The following TMEM43 variants were observed in gnomAD, a reference collection of about 807,000 sequenced individuals.
TMEM43 encodes arrhythmogenic right ventricular dysplasia 5.
In TMEM43, 45 loss-of-function variants were observed where a neutral mutation model predicts 49.6. The observed-to-expected ratio is 0.91, with a 90% CI of 0.71 to 1.16. The LOEUF is 1.16. TMEM43 is among the 50% of genes most tolerant of loss of function. The probability of loss-of-function intolerance (pLI) is 0.00; values close to 1 mark genes in which losing one functional copy is unlikely to be tolerated. For missense variants in TMEM43, 532 were observed against 516.6 expected (o/e 1.03, Z -0.29); for synonymous variants, 199 against 207.8 (o/e 0.96, Z 0.36).
In TMEM43 at chr3:14,141,715, T is replaced by C. The variant is rs1695249790; in HGVS notation, c.1123T>C (p.Trp375Arg). 3 of 1,614,194 alleles carry C rather than the reference T, an allele frequency of 1.9e-6. No individual in the cohort carries two copies. Among genetic ancestry groups the C allele is most frequent in the Non-Finnish European group, 1.7e-6 (2 of 1,180,040 alleles). Residue 375 changes from tryptophan to arginine, a missense_variant, in exon 12 of 12, where the codon TGG becomes CGG. Trp to Arg is a moderately radical substitution (Grantham distance 101). Transcript: ENST00000306077. ...TGGCTGGCTCTTCTACCGACCCCTGTGGGCCCTCCTCATTGCCGGCCTGGC... is the reference window on the plus strand; with the variant it reads ...TGGCTGGCTCTTCTACCGACCCCTGCGGGCCCTCCTCATTGCCGGCCTGGC... Reference protein sequence around the residue: ...AAGWLFYRPLWALLIAGLALV... With the variant: ...AAGWLFYRPLRALLIAGLALV...
In TMEM43 at chr3:14,125,372, C is replaced by T. The variant is rs2733580; in HGVS notation, c.12+167C>T. On this transcript the variant is annotated intron_variant, in intron 1 of 11. Coordinates refer to ENST00000306077, the MANE Select transcript of TMEM43 (RefSeq NM_024334.3). ...GTGCCTTCGCCAGCTCATCCCTCTG[C>T]TCATCTCGCGGCCTGTCCAGGCTTC... Among the ~76,000 whole-genome samples the T allele has an allele frequency of 0.21, 31,825 of 152,234 alleles. 4,463 individuals are homozygous for T. The highest frequency in any genetic ancestry group is 0.39 in the African/African-American group (16,295 of 41,522).
chr3:14,138,825 A>G (rs755523478), intron 10 of TMEM43, among the ~76,000 whole-genome samples: 15 of 152,238 alleles, frequency 9.9e-5, no homozygotes, highest in Non-Finnish European at 2.1e-4. Context: ...GAGATTAAAC[A>G]GATCACACAC....
rs183997879 is a variant in TMEM43 at position 14,136,827 on chromosome 3, G to T, written c.882+919G>T. ...AAATAGGGAGGGCTATGCCTACCCC[G>T]GGTCCCAAGGAGAAGGGGTGCCAAG... On this transcript the variant is annotated intron_variant, in intron 10 of 11. Coordinates refer to ENST00000306077, the MANE Select transcript of TMEM43 (RefSeq NM_024334.3). Among the ~76,000 whole-genome samples the T allele has an allele frequency of 1.1e-3, 169 of 149,010 alleles. 15 individuals are homozygous for T. Among genetic ancestry groups the T allele is most frequent in the African/African-American group, 4.2e-3 (166 of 39,580 alleles).
At chr3:14,128,928 G>A (rs1197147888) in intron 1 of TMEM43, 4 of 456,150 alleles carry the variant, frequency 8.8e-6, no homozygotes, top group African/African-American at 8.0e-5. Flanking sequence ...GTCATAAATG[G>A]AATACTACTC....
intron 1 of TMEM43, 78 bp from the exon 2 acceptor site, chr3:14,129,334 A>AATT: frequency 4.4e-5 from 37 of 849,630 alleles, no homozygotes; most frequent in Non-Finnish European, 5.4e-5. Context: ...AAAAAAAAAA[A>AATT]TTGAGTATAA....
At chr3:14,139,391 A>T (rs1695220242) in intron 11 of TMEM43, 94 bp downstream of exon 11, 1 of 913,852 alleles carries the variant, frequency 1.1e-6, no homozygotes, top group African/African-American at 1.6e-5. Flanking sequence ...GCCTGATGGG[A>T]TGGCCCTTGT....
In TMEM43 at chr3:14,135,170, C is replaced by A. The variant is rs367910936; in HGVS notation, c.718C>A (p.Arg240Ser). 1.2e-6 allele frequency: 2 copies of A among 1,612,444 alleles called. No individual in the cohort carries two copies. Among genetic ancestry groups the A allele is most frequent in the African/African-American group, 2.7e-5 (2 of 75,032 alleles). The change falls in exon 9 of 12, where the codon CGT (arginine) becomes AGT (serine). Residue 240 changes from arginine (R) to serine (S), a missense_variant. Arg to Ser is a moderately radical substitution (Grantham distance 110). Transcript: ENST00000306077. The part of the protein sequence containing the change: ...NPKYPEVGDL[R>S]VSFSYAGLSG... The stretch of plus-strand genomic sequence containing the variant: ...CTTCCACCCCCAGGTGGGAGACTTG[C>A]GTGTCTCCTTTTCCTATGCTGGACT...
Position 14,129,475 on chromosome 3 carries a change from C to T in TMEM43, c.76C>T (p.Leu26=), listed in dbSNP as rs752727608. 6.2e-7 allele frequency: 1 copy of T among 1,614,102 alleles called. No individual in the cohort carries two copies. Reference sequence around the variant, plus strand: ...TAAAACCAGCTCCCAGCCAGGCTTCCTGGAACGGCTGAGCGAGACCTCGGG... The same window carrying T: ...TAAAACCAGCTCCCAGCCAGGCTTCTTGGAACGGCTGAGCGAGACCTCGGG... The part of the protein sequence containing the change: ...KVKTSSQPGF[L]ERLSETSGGM... Residue 26 remains leucine (L), a synonymous_variant, in exon 2 of 12, where the codon CTG becomes TTG. Coordinates refer to ENST00000306077, the MANE Select transcript of TMEM43 (RefSeq NM_024334.3).
intron 2 of TMEM43, among the ~76,000 whole-genome samples, chr3:14,130,185 C>T (rs954741982): frequency 2.0e-5 from 3 of 151,988 alleles, no homozygotes; most frequent in Non-Finnish European, 4.4e-5. Context: ...AATTTAGCAG[C>T]AGTTACAGGG....
In TMEM43 at chr3:14,130,828, G is replaced by A. The variant is rs151010429; in HGVS notation, c.169G>A (p.Ala57Thr). 108 of 1,613,662 alleles carry A rather than the reference G, an allele frequency of 6.7e-5. No individual in the cohort carries two copies. The highest frequency in any genetic ancestry group is 4.5e-5 in the Non-Finnish European group (53 of 1,179,870). ...CACTCCCCTTTGCTCCCAGGGCCGC[G>A]CATTGAAGACGGCAACCTCATTGGC... ...FYLIFTNEGRALKTATSLAEG... is the reference protein window; with the variant it reads ...FYLIFTNEGRTLKTATSLAEG... Residue 57 changes from alanine (A) to threonine (T), a missense_variant, in exon 3 of 12, where the codon GCA (alanine) becomes ACA (threonine). Transcript: ENST00000306077.
Position 14,125,071 on chromosome 3 carries a change from C to A in TMEM43, c.-123C>A. The A allele has an allele frequency of 7.7e-7, 1 of 1,300,406 alleles. No individual in the cohort carries two copies. The highest frequency in any genetic ancestry group is 2.5e-5 in the East Asian group (1 of 40,602). 80.6% of individuals were successfully genotyped at this position (1,300,406 alleles called of 1,614,324 possible). A position where few individuals can be genotyped will look rare whatever the true frequency, so the allele number is the denominator to read the frequency against. ...GTAACTGCAGTAAGTCCCGCTTGGC[C>A]CTGGAGTCCACGCGGATTTTCGAAG... On this transcript the variant is annotated 5_prime_UTR_variant, in exon 1 of 12. Coordinates refer to ENST00000306077, the MANE Select transcript of TMEM43 (RefSeq NM_024334.3).
chr3:14,130,758 A>G (rs1695082035), intron 2 of TMEM43, 64 bp from the exon 3 acceptor site: 1 of 1,585,372 alleles, frequency 6.3e-7, no homozygotes, highest in African/African-American at 1.3e-5. Flanking sequence ...AATACTTTGC[A>G]ACAAGCACAG....
chr3:14,131,451 GT>G, intron 3 of TMEM43, 128 bp from the exon 4 acceptor site: 2 of 777,858 alleles, frequency 2.6e-6, no homozygotes, highest in Non-Finnish European at 4.5e-6. Flanking sequence ...GCAAAGCAGT[GT>G]AGGGCTCTCC....
At position 14,143,593 on chromosome 3, in the gene TMEM43, T is replaced by TAA. The variant is rs905803294; in HGVS notation, c.*1799_*1800dup. The TAA allele has an allele frequency of 1.3e-5, 2 of 152,258 alleles. No homozygotes were observed. The highest frequency in any genetic ancestry group is 2.9e-5 in the Non-Finnish European group (2 of 68,038). The allele number at this position is 152,258 out of a possible 1,614,324, so 9.4% of individuals were successfully genotyped here. On this transcript the variant is annotated 3_prime_UTR_variant, in exon 12 of 12. Transcript: ENST00000306077. Reference sequence around the variant, plus strand: ...GTGTTCTTAAAACGAAAGATAATGTTAAGAAAAATTTGAAAGCTTTGGAAA... The same window carrying TAA: ...GTGTTCTTAAAACGAAAGATAATGTTAAAAGAAAAATTTGAAAGCTTTGGAAA...
chr3:14,129,800 C>T (rs747887849), intron 2 of TMEM43, among the ~76,000 whole-genome samples: 3 of 152,184 alleles, frequency 2.0e-5, no homozygotes, highest in Admixed American at 6.5e-5. Flanking sequence ...CTGCCTCAGG[C>T]GTAGTTGGAT....
chr3:14,128,706 A>G (rs1695049982), intron 1 of TMEM43: 1 of 284,862 alleles, frequency 3.5e-6, no homozygotes, highest in Admixed American at 5.1e-5. Context: ...CTCTTTGTAA[A>G]ATAGCTTGGC....
At position 14,133,823 on chromosome 3, in the gene TMEM43, C is replaced by G; in HGVS notation, c.583+14C>G. The G allele has an allele frequency of 6.2e-7, 1 of 1,613,562 alleles. No homozygotes were observed. The highest frequency in any genetic ancestry group is 8.5e-7 in the Non-Finnish European group (1 of 1,179,424). Reference sequence around the variant, plus strand: ...TCCTCTCGTCAGGTAAGTCTCAGGCCTCTCCAGAGGAGCTCGTGCCAGAAG... The same window carrying G: ...TCCTCTCGTCAGGTAAGTCTCAGGCGTCTCCAGAGGAGCTCGTGCCAGAAG... On this transcript the variant is annotated intron_variant, in intron 7 of 11. Coordinates refer to ENST00000306077, the MANE Select transcript of TMEM43 (RefSeq NM_024334.3).
In TMEM43 at chr3:14,142,204, T is replaced by TG. The variant is rs1214121362; in HGVS notation, c.*410dup. 8.1e-6 allele frequency: 2 copies of TG among 246,508 alleles called. No individual in the cohort carries two copies. Among genetic ancestry groups the TG allele is most frequent in the African/African-American group, 2.2e-5 (1 of 44,980 alleles). The allele number at this position is 246,508 out of a possible 1,614,324, so 15.3% of individuals were successfully genotyped here. ...TTCTCATCACTGCACACAAGTGCCA[T>TG]GCTTTGCCACCACCACCAAGCACAT... is the stretch of plus-strand genomic sequence containing the variant. On this transcript the variant is annotated 3_prime_UTR_variant, in exon 12 of 12. Coordinates refer to ENST00000306077, the MANE Select transcript of TMEM43 (RefSeq NM_024334.3).
intron 1 of TMEM43, among the ~76,000 whole-genome samples, chr3:14,125,947 A>G (rs1476627307): frequency 6.6e-6 from 1 of 152,086 alleles, no homozygotes; most frequent in Non-Finnish European, 1.5e-5. Flanking sequence ...GTGTGGGAGA[A>G]GCTGGTGACT....
Sources: allele counts gnomAD v4.1 joint callset (sites outside exome capture counted in the v4.1 genomes callset), GRCh38; gene constraint gnomAD v4.1.1; transcripts MANE v1.5; gene names NCBI Gene and HGNC (gene_info 2026-07-23, HGNC 2026-07-21).